RNF13: variants seen among roughly 807,000 people sequenced by gnomAD.
The protein encoded by RNF13 is E3 ubiquitin-protein ligase RNF13.
In RNF13, 19 loss-of-function variants were observed where a neutral mutation model predicts 37.7. The ratio of observed to expected loss-of-function variants is 0.50; its 90% CI spans 0.35 to 0.74. The LOEUF (loss-of-function observed/expected upper bound fraction) is 0.74. RNF13 is among the 30% of genes least tolerant of loss of function. The pLI is 0.01. For missense variants in RNF13, 375 were observed against 453.0 expected, an observed-to-expected ratio of 0.83 and a Z score of 1.56; for synonymous variants, 144 against 157.8, an observed-to-expected ratio of 0.91 and a Z score of 0.65.
At chr3:149,939,840 G>T in intron 8 of RNF13, 17 of 493,892 alleles carry the variant, frequency 3.4e-5, no homozygotes, top group East Asian at 1.5e-4. Context: ...GGTGGACAGA[G>T]ATAAACGACT....
At chr3:149,877,177 G>C (rs190681823) in intron 4 of RNF13, among the ~76,000 whole-genome samples, 73 of 152,190 alleles carry the variant, frequency 4.8e-4, no homozygotes, top group African/African-American at 1.8e-3. Context: ...AGTGCCTAAT[G>C]CATTATATGG....
chr3:149,929,203 G>A (rs1718940788), intron 8 of RNF13, among the ~76,000 whole-genome samples: 1 of 152,200 alleles, frequency 6.6e-6, no homozygotes, highest in African/African-American at 2.4e-5. Flanking sequence ...TGCTGGAGAA[G>A]CCTCAGGAAA....
At chr3:149,929,122 A>G (rs553126637) in intron 8 of RNF13, among the ~76,000 whole-genome samples, 1 of 152,176 alleles carries the variant, frequency 6.6e-6, no homozygotes, top group African/African-American at 2.4e-5. Flanking sequence ...CTGTTCTCAC[A>G]CTACTATAAG....
At chr3:149,953,556 GTAGCTGC>G (rs1721554545) in intron 8 of RNF13, among the ~76,000 whole-genome samples, 1 of 152,170 alleles carries the variant, frequency 6.6e-6, no homozygotes, top group African/African-American at 2.4e-5. Flanking sequence ...TAGTAAATAC[GTAGCTGC>G]TTAAGTATAT....
At chr3:149,891,661 A>C (rs766942405) in intron 4 of RNF13, among the ~76,000 whole-genome samples, 2 of 152,264 alleles carry the variant, frequency 1.3e-5, no homozygotes, top group African/African-American at 2.4e-5. Context: ...TTAAAAAGGC[A>C]GATTGCCAAT....
intron 7 of RNF13, among the ~76,000 whole-genome samples, chr3:149,916,610 T>C (rs1445649968): frequency 6.6e-6 from 1 of 152,164 alleles, no homozygotes; most frequent in South Asian, 2.1e-4. Flanking sequence ...TCTTCTACCT[T>C]GTCTGGTTGT....
chr3:149,949,429 C>CTT lies in RNF13; in HGVS notation c.701-10614_701-10613dup, dbSNP rs76888636. 8.8e-5 allele frequency among the ~76,000 whole-genome samples: 12 copies of CTT among 136,730 alleles called. No individual in the cohort carries two copies. In the South Asian group the frequency reaches 1.2e-3, roughly 13 times the overall value. 89.7% of individuals were successfully genotyped at this position (136,730 alleles called of 152,430 possible). A position where few individuals can be genotyped will look rare whatever the true frequency, so the allele number is the denominator to read the frequency against. ...GAGCTCCTTTGTATGTACTGGGTTG[C>CTT]TTTTTTTTTTTTTTGCTGCTTTCAA... On this transcript the variant is annotated intron_variant, in intron 8 of 9. Transcript: ENST00000392894.
chr3:149,882,523 C>A (rs1399150103), intron 4 of RNF13, among the ~76,000 whole-genome samples: 2 of 152,068 alleles, frequency 1.3e-5, no homozygotes, highest in African/African-American at 4.8e-5. Context: ...TTTGTCAGAT[C>A]TCTGTTTTTC....
chr3:149,895,587 C>G (rs1559935286), intron 5 of RNF13, 27 bp downstream of exon 5: 2 of 1,391,090 alleles, frequency 1.4e-6, no homozygotes, highest in Non-Finnish European at 2.0e-6. Flanking sequence ...CTTTTCTTCT[C>G]TCCTGTTTGA....
At chr3:149,825,719 C>T (rs1210749677) in intron 1 of RNF13, among the ~76,000 whole-genome samples, 5 of 152,208 alleles carry the variant, frequency 3.3e-5, no homozygotes, top group Non-Finnish European at 7.3e-5. Context: ...TGTAATGTCT[C>T]CCTCAGTGTT....
chr3:149,884,122 T>G (rs1713739363), intron 4 of RNF13, among the ~76,000 whole-genome samples: 1 of 152,188 alleles, frequency 6.6e-6, no homozygotes, highest in Non-Finnish European at 1.5e-5. Flanking sequence ...TTGGGTCAAT[T>G]CCGTATCTTT....
At chr3:149,874,317 T>C (rs1439207449) in intron 4 of RNF13, among the ~76,000 whole-genome samples, 1 of 152,176 alleles carries the variant, frequency 6.6e-6, no homozygotes, top group Non-Finnish European at 1.5e-5. Context: ...ATAATCAAGG[T>C]CTGGAAACAG....
intron 1 of RNF13, among the ~76,000 whole-genome samples, chr3:149,815,833 A>G (rs1405169527): frequency 6.6e-6 from 1 of 152,224 alleles, no homozygotes; most frequent in African/African-American, 2.4e-5. Context: ...TGAGCCAAAT[A>G]CAATTCTAAG....
chr3:149,889,465 C>T (rs183871375), intron 4 of RNF13, among the ~76,000 whole-genome samples: 225 of 149,240 alleles, frequency 1.5e-3, no homozygotes, highest in African/African-American at 5.4e-3. Flanking sequence ...CCACCATGCC[C>T]AGCTAATTTT....
At chr3:149,923,172 A>G (rs1443771227) in intron 8 of RNF13, among the ~76,000 whole-genome samples, 1 of 152,232 alleles carries the variant, frequency 6.6e-6, no homozygotes. Flanking sequence ...GACATTTCTA[A>G]AAATGCACTG....
chr3:149,918,133 A>G (rs1717734145), intron 7 of RNF13, among the ~76,000 whole-genome samples: 2 of 152,328 alleles, frequency 1.3e-5, no homozygotes, highest in South Asian at 4.1e-4. Context: ...ATTTAACTCA[A>G]TAAATCTAAA....
intron 8 of RNF13, among the ~76,000 whole-genome samples, chr3:149,943,976 G>A (rs950882551): frequency 3.3e-5 from 5 of 151,308 alleles, no homozygotes; most frequent in African/African-American, 9.7e-5. Context: ...CCAACCCCAC[G>A]ACATGCCCTG....
At chr3:149,858,673 G>A (rs73155079) in intron 3 of RNF13, among the ~76,000 whole-genome samples, 13,768 of 152,198 alleles carry the variant, frequency 0.09, 708 homozygotes, top group African/African-American at 0.14. Flanking sequence ...AGATAGAAGA[G>A]ATGAAGATCA....
At chr3:149,876,162 T>A (rs896296007) in intron 4 of RNF13, among the ~76,000 whole-genome samples, 1 of 152,320 alleles carries the variant, frequency 6.6e-6, no homozygotes, top group East Asian at 1.9e-4. Context: ...AGTCACCAAT[T>A]TCTTTGAGTA....
Sources: gnomAD v4.1 joint callset for allele counts (sites outside exome capture counted in the v4.1 genomes callset) on GRCh38, gnomAD v4.1.1 for gene constraint, MANE v1.5 for transcripts, NCBI Gene and HGNC (gene_info 2026-07-23, HGNC 2026-07-21) for gene names.